Variants in EYA4 observed in about 807,000 individuals in gnomAD.
The protein encoded by EYA4 is protein phosphatase EYA4.
Under a neutral mutation model 87.9 loss-of-function variants are expected in EYA4, and 31 were observed. The ratio of observed to expected loss-of-function variants is 0.35; its 90% CI spans 0.27 to 0.48. The LOEUF is 0.48. EYA4 is among the 20% of genes least tolerant of loss of function. The pLI, the probability that EYA4 is intolerant of heterozygous loss-of-function variation, is 0.99. For missense variants in EYA4, 678 were observed against 761.4 expected (o/e 0.89, Z 1.29); for synonymous variants, 263 against 270.6 (o/e 0.97, Z 0.28).
chr6:133,475,733 T>G (rs1004223314), intron 11 of EYA4, among the ~76,000 whole-genome samples: 11 of 152,252 alleles, frequency 7.2e-5, no homozygotes, highest in Non-Finnish European at 1.6e-4. Context: ...GCAGAGGCAC[T>G]GGAATTAACA....
chr6:133,241,955 G>T (rs1363812018), intron 1 of EYA4, among the ~76,000 whole-genome samples: 6 of 152,150 alleles, frequency 3.9e-5, no homozygotes, highest in African/African-American at 1.4e-4. Context: ...TGAGGGCCCG[G>T]GCCGCTCGGA....
chr6:133,332,711 ATTTTTT>A (rs71003634), intron 2 of EYA4, among the ~76,000 whole-genome samples: 22 of 124,900 alleles, frequency 1.8e-4, no homozygotes, highest in Admixed American at 6.1e-4. Context: ...GCCCAGCTAA[ATTTTTT>A]TTTTTTTTTT....
intron 3 of EYA4, among the ~76,000 whole-genome samples, chr6:133,384,857 C>A (rs1583131535): frequency 6.6e-6 from 1 of 152,062 alleles, no homozygotes; most frequent in Admixed American, 6.6e-5. Context: ...GAATAGTGAA[C>A]AAATTATATG....
At chr6:133,477,275 A>T (rs1301123508) in intron 11 of EYA4, among the ~76,000 whole-genome samples, 1 of 151,808 alleles carries the variant, frequency 6.6e-6, no homozygotes. Context: ...TGTCTCCTAC[A>T]CTTGTTATTT....
chr6:133,401,036 T>C (rs1788216697), intron 3 of EYA4, among the ~76,000 whole-genome samples: 1 of 152,198 alleles, frequency 6.6e-6, no homozygotes, highest in Non-Finnish European at 1.5e-5. Context: ...GTGGTATATG[T>C]ATACAATGGA....
rs540255841 is a variant in EYA4, at chr6:133,388,027, G to A, written c.83+5586G>A. On this transcript the variant is annotated intron_variant, in intron 3 of 19. Transcript: ENST00000355286. ...GATAGCTGACCTATCTTGATCCTTT[G>A]TTCATGGTGGCATCTGTGCTGATTT... 2.8e-4 allele frequency among the ~76,000 whole-genome samples: 42 copies of A among 152,228 alleles called. No individual in the cohort carries two copies. The South Asian group carries it at 8.5e-3, about 31-fold the overall frequency.
At chr6:133,504,603 T>C (rs73546828) in intron 13 of EYA4, among the ~76,000 whole-genome samples, 5,838 of 152,236 alleles carry the variant, frequency 0.038, 414 homozygotes, top group African/African-American at 0.13. Flanking sequence ...TAATTCCTAT[T>C]CTCCAGGTTT....
At chr6:133,247,106 T>C (rs1297019119) in intron 1 of EYA4, 1 of 152,242 alleles carries the variant, frequency 6.6e-6, no homozygotes, top group African/African-American at 2.4e-5. Context: ...ATGGGCAATA[T>C]TGTTTGAGAC....
chr6:133,248,487 A>G (rs559071324), intron 1 of EYA4: 1 of 152,328 alleles, frequency 6.6e-6, no homozygotes, highest in East Asian at 1.9e-4. Context: ...CATATACCCA[A>G]CGGAGTGATC....
chr6:133,454,426 G>T (rs549726027), intron 5 of EYA4, among the ~76,000 whole-genome samples: 1 of 152,186 alleles, frequency 6.6e-6, no homozygotes, highest in East Asian at 1.9e-4. Flanking sequence ...ATTAGCTAGT[G>T]CTGCCTGAGA....
At chr6:133,284,681 A>C (rs1777890145) in intron 2 of EYA4, among the ~76,000 whole-genome samples, 1 of 152,188 alleles carries the variant, frequency 6.6e-6, no homozygotes, top group South Asian at 2.1e-4. Context: ...GATACTGTGT[A>C]AGTTCTATTC....
At chr6:133,434,601 G>A (rs1421638410) in intron 3 of EYA4, among the ~76,000 whole-genome samples, 1 of 152,176 alleles carries the variant, frequency 6.6e-6, no homozygotes, top group African/African-American at 2.4e-5. Context: ...TTAGTTGACA[G>A]TAGAGACTCT....
At chr6:133,443,398 G>A (rs1356561589) in intron 3 of EYA4, among the ~76,000 whole-genome samples, 3 of 151,878 alleles carry the variant, frequency 2.0e-5, no homozygotes, top group Non-Finnish European at 4.4e-5. Context: ...GATTTTGTGT[G>A]TCTTTGAATT....
intron 2 of EYA4, among the ~76,000 whole-genome samples, chr6:133,284,091 CATAGAGTATGTATTA>C (rs1406369703): frequency 2.6e-5 from 4 of 152,164 alleles, no homozygotes; most frequent in Non-Finnish European, 5.9e-5. Context: ...AACTTGGTGT[CATAGAGTATGTATTA>C]AAACTCAGCT....
chr6:133,413,804 C>A (rs1789462778), intron 3 of EYA4, among the ~76,000 whole-genome samples: 1 of 152,088 alleles, frequency 6.6e-6, no homozygotes, highest in Non-Finnish European at 1.5e-5. Flanking sequence ...CTTGCATATC[C>A]CTTGTGCACC....
At chr6:133,461,242 A>T in intron 7 of EYA4, 62 bp downstream of exon 7, 2 of 1,157,500 alleles carry the variant, frequency 1.7e-6, no homozygotes, top group Non-Finnish European at 2.6e-6. Flanking sequence ...CATGTTTTAT[A>T]GATGGTTGGA....
At chr6:133,280,656 A>C (rs1216351501) in intron 2 of EYA4, among the ~76,000 whole-genome samples, 1 of 152,114 alleles carries the variant, frequency 6.6e-6, no homozygotes, top group African/African-American at 2.4e-5. Flanking sequence ...TGGCCTCCCA[A>C]AGTGCTGGGA....
intron 2 of EYA4, among the ~76,000 whole-genome samples, chr6:133,292,850 G>A (rs1778599112): frequency 6.6e-6 from 1 of 152,144 alleles, no homozygotes; most frequent in South Asian, 2.1e-4. Context: ...ATATGTTAAA[G>A]CTTGAAGAGC....
chr6:133,261,718 T>G (rs750855780), intron 1 of EYA4, among the ~76,000 whole-genome samples: 45 of 152,230 alleles, frequency 3.0e-4, no homozygotes, highest in Non-Finnish European at 5.4e-4. Flanking sequence ...TACATTTGTT[T>G]AAGTTGCAGA....
Sources: gnomAD v4.1 joint callset for allele counts (sites outside exome capture counted in the v4.1 genomes callset) on GRCh38, gnomAD v4.1.1 for gene constraint, MANE v1.5 for transcripts, NCBI Gene and HGNC (gene_info 2026-07-23, HGNC 2026-07-21) for gene names.